Variants in RIMBP2 observed in about 807,000 individuals in gnomAD.
RIMBP2 encodes RIMS binding protein 2, also known as RIMS-binding protein 2.
RIMBP2 carries 48 observed loss-of-function variants against 118.6 expected under a neutral mutation model. The ratio of observed to expected loss-of-function variants is 0.40; its 90% CI spans 0.32 to 0.51. The LOEUF (loss-of-function observed/expected upper bound fraction) is 0.51. Among genes scored for constraint, RIMBP2 ranks in the 20% least tolerant of loss-of-function variants. The pLI, the probability that RIMBP2 is intolerant of heterozygous loss-of-function variation, is 0.41. For synonymous variants in RIMBP2, 762 were observed against 742.9 expected (o/e 1.03, Z -0.42); for missense variants, 1,551 against 1,768.3 (o/e 0.88, Z 2.20).
chr12:130,535,002 G>C (rs1051246086), intron 2 of RIMBP2, among the ~76,000 whole-genome samples: 3 of 152,204 alleles, frequency 2.0e-5, no homozygotes, highest in Non-Finnish European at 4.4e-5. Context: ...ACCTGACGAT[G>C]CTGGTGACTA....
chr12:130,406,255 A>C lies in RIMBP2; in HGVS notation c.3694-12T>G, dbSNP rs1293891305. ...AATGTAAGTTCGGCCTGTGGAGATGAAACATAAAATTAATCGTATTTTTCT... is the reference window on the plus strand; with the variant it reads ...AATGTAAGTTCGGCCTGTGGAGATGCAACATAAAATTAATCGTATTTTTCT... On this transcript the variant is annotated splice_polypyrimidine_tract_variant and intron_variant, in intron 20 of 22. Coordinates refer to ENST00000690449, the MANE Select transcript of RIMBP2 (RefSeq NM_001393629.1). The C allele has an allele frequency of 1.9e-6, 3 of 1,578,184 alleles. No homozygotes were observed. In the East Asian group the frequency reaches 6.7e-5, roughly 35 times the overall value.
At chr12:130,458,287 G>A (rs1397629390) in intron 6 of RIMBP2, among the ~76,000 whole-genome samples, 2 of 152,062 alleles carry the variant, frequency 1.3e-5, no homozygotes, top group African/African-American at 4.8e-5. Context: ...AGCTGAATGG[G>A]CTTGGCCAAG....
Position 130,419,595 on chromosome 12 carries a change from T to C in RIMBP2, c.3238+2858A>G, listed in dbSNP as rs1277060283. On this transcript the variant is annotated intron_variant, in intron 17 of 22. Transcript: ENST00000690449. The surrounding 1 kb of genome is among the most constrained non-coding windows in gnomAD (Gnocchi z 4.3). ...AGCTCCCCTTTTTAAGGGGCAAAGC[T>C]TTGTCAATAGAGTTACTAATGTTTT... 1 of 152,244 alleles carries C rather than the reference T, an allele frequency of 6.6e-6. No homozygotes were observed. Among genetic ancestry groups the C allele is most frequent in the Non-Finnish European group, 1.5e-5 (1 of 68,042 alleles). The allele number at this position is 152,244 out of a possible 1,614,324, so 9.4% of individuals were successfully genotyped here. A position where few individuals can be genotyped will look rare whatever the true frequency, so the allele number is the denominator to read the frequency against.
chr12:130,615,734 T>C (rs1340608069), intron 2 of RIMBP2, among the ~76,000 whole-genome samples: 1 of 152,106 alleles, frequency 6.6e-6, no homozygotes, highest in Non-Finnish European at 1.5e-5. Flanking sequence ...ACCTGGGCTA[T>C]GGAATGTGAC....
chr12:130,461,174 G>A (rs1180124041), intron 6 of RIMBP2, among the ~76,000 whole-genome samples: 1 of 152,178 alleles, frequency 6.6e-6, no homozygotes, highest in Non-Finnish European at 1.5e-5. Flanking sequence ...TGCTTCTCTC[G>A]AGGCGGCTGC....
intron 1 of RIMBP2, among the ~76,000 whole-genome samples, chr12:130,680,053 C>T (rs1219583759): frequency 6.6e-6 from 1 of 151,158 alleles, no homozygotes; most frequent in African/African-American, 2.4e-5. Context: ...AGTGTGATCA[C>T]GCAGGCAGTG....
chr12:130,450,245 T>G lies in RIMBP2; in HGVS notation c.536A>C (p.Lys179Thr), dbSNP rs1278045951. The G allele has an allele frequency of 1.9e-6, 3 of 1,609,590 alleles. No individual in the cohort carries two copies. The African/African-American group carries it at 4.0e-5, about 22-fold the overall frequency. The change falls in exon 9 of 23, where the codon AAG becomes ACG. Residue 179 changes from lysine (K) to threonine (T), a missense_variant. Lys to Thr is a moderately conservative substitution (Grantham distance 78, BLOSUM62 -1). Transcript: ENST00000690449. This position sits in a 1 kb window ranked among gnomAD's most constrained non-coding sequence, Gnocchi z 4.8. ...MENERNSNTS[K>T]QRYSGKVHLC... ...GTGGACCTTCCCCGAGTATCTCTGC[T>G]TGGAGGTATTGGAATTCCGTTCATT...
At position 130,422,003 on chromosome 12, in the gene RIMBP2, A is replaced by C. The variant is rs1013029328; in HGVS notation, c.3238+450T>G. Among the ~76,000 whole-genome samples, 1 of 152,212 alleles carries C rather than the reference A, an allele frequency of 6.6e-6. No homozygotes were observed. Among genetic ancestry groups the C allele is most frequent in the Non-Finnish European group, 1.5e-5 (1 of 68,040 alleles). ...ACATTTCAGGGGCACACTCAGCTGC[A>C]CGGTGTCCCCCAGGATTTAGCTCTG... On this transcript the variant is annotated intron_variant, in intron 17 of 22. Coordinates refer to ENST00000690449, the MANE Select transcript of RIMBP2 (RefSeq NM_001393629.1). This position sits in a 1 kb window ranked among gnomAD's most constrained non-coding sequence, Gnocchi z 5.2.
intron 1 of RIMBP2, among the ~76,000 whole-genome samples, chr12:130,660,836 G>A (rs200206010): frequency 6.6e-5 from 10 of 151,950 alleles, no homozygotes; most frequent in Admixed American, 1.3e-4. Flanking sequence ...CACAGCTGGC[G>A]TGTCACGCAG....
intron 2 of RIMBP2, among the ~76,000 whole-genome samples, chr12:130,535,779 A>ATATATATATATATATATATATATATG (rs1566218602): frequency 9.0e-6 from 1 of 111,068 alleles, no homozygotes; most frequent in Non-Finnish European, 1.9e-5. Context: ...ATATATATAT[A>ATATATATATATATATATATATATATG]TATACACATA....
chr12:130,509,660 T>C (rs1182030185), intron 3 of RIMBP2, among the ~76,000 whole-genome samples: 1 of 151,724 alleles, frequency 6.6e-6, no homozygotes, highest in Non-Finnish European at 1.5e-5. Flanking sequence ...CAGGTGGCCA[T>C]GGCCCCCGGC....
rs894359785 is a variant in RIMBP2 at position 130,447,952 on chromosome 12, G to A, written c.581+2248C>T. Among the ~76,000 whole-genome samples the A allele has an allele frequency of 5.9e-5, 9 of 152,072 alleles. No homozygotes were observed. The highest frequency in any genetic ancestry group is 5.9e-4 in the Admixed American group (9 of 15,284). On this transcript the variant is annotated intron_variant, in intron 9 of 22. Coordinates refer to ENST00000690449, the MANE Select transcript of RIMBP2 (RefSeq NM_001393629.1). The surrounding 1 kb of genome is among the most constrained non-coding windows in gnomAD (Gnocchi z 4.4). ...TTGCTGAATAATGACAGCAAGAGGA[G>A]ACACTGATTAGACCCGGGGCAGAAA...
At position 130,478,891 on chromosome 12, in the gene RIMBP2, G is replaced by T. The variant is rs11060933; in HGVS notation, c.102+21C>A. ...GTGGACTCCCTGCCTCGCACGCCGC[G>T]CCCGGCTGCCCGCCGCTTACCTTCT... On this transcript the variant is annotated intron_variant, in intron 5 of 22. Coordinates refer to ENST00000690449, the MANE Select transcript of RIMBP2 (RefSeq NM_001393629.1). 1.9e-6 allele frequency: 3 copies of T among 1,587,878 alleles called. No homozygotes were observed. In the African/African-American group the frequency reaches 4.0e-5, roughly 21 times the overall value.
At chr12:130,470,808 A>C (rs2080939322) in intron 5 of RIMBP2, 65 bp from the exon 6 acceptor site, 1 of 941,220 alleles carries the variant, frequency 1.1e-6, no homozygotes, top group Non-Finnish European at 1.4e-6. Context: ...AATCGGATCA[A>C]TGTCTGAATC....
At chr12:130,489,494 G>T (rs1412013448) in intron 4 of RIMBP2, among the ~76,000 whole-genome samples, 1 of 152,106 alleles carries the variant, frequency 6.6e-6, no homozygotes, top group Non-Finnish European at 1.5e-5. Flanking sequence ...GGCAGCATCG[G>T]CGGGAGGGAA....
chr12:130,547,427 G>A (rs1303131717), intron 2 of RIMBP2, among the ~76,000 whole-genome samples: 1 of 152,180 alleles, frequency 6.6e-6, no homozygotes, highest in Non-Finnish European at 1.5e-5. Flanking sequence ...AAGGCAGCCT[G>A]TTTTCTCACT....
At chr12:130,474,956 G>A (rs2081308348) in intron 5 of RIMBP2, among the ~76,000 whole-genome samples, 1 of 152,224 alleles carries the variant, frequency 6.6e-6, no homozygotes, top group South Asian at 2.1e-4. Flanking sequence ...TGAGTGAATG[G>A]ACGCAGGGAT....
intron 4 of RIMBP2, among the ~76,000 whole-genome samples, chr12:130,486,868 C>T (rs934242068): frequency 6.6e-6 from 1 of 150,910 alleles, no homozygotes; most frequent in Non-Finnish European, 1.5e-5. Context: ...ACAGCTCCTC[C>T]TCTCCCCTGG....
In RIMBP2 at chr12:130,641,965, GTAC is replaced by G. The variant is rs761016723; in HGVS notation, c.-351-13512_-351-13510del. Among the ~76,000 whole-genome samples, 140 of 152,092 alleles carry G rather than the reference GTAC, an allele frequency of 9.2e-4. 1 individual carries two copies. The highest frequency in any genetic ancestry group is 1.2e-3 in the Non-Finnish European group (81 of 68,024). On this transcript the variant is annotated intron_variant, in intron 1 of 22. Coordinates refer to ENST00000690449, the MANE Select transcript of RIMBP2 (RefSeq NM_001393629.1). The stretch of plus-strand genomic sequence containing the variant: ...CTATAGATAAGCCACTACCCCCATT[GTAC>G]AGATGAGAAAACTGAGGCAACCAGA...
Sources: allele counts gnomAD v4.1 joint callset (sites outside exome capture counted in the v4.1 genomes callset), GRCh38; gene constraint gnomAD v4.1.1; non-coding constraint Gnocchi (gnomAD v3.1); transcripts MANE v1.5; gene names NCBI Gene and HGNC (gene_info 2026-07-23, HGNC 2026-07-21).